Variants in KLHL24 observed in about 807,000 individuals in gnomAD.
KLHL24 encodes the protein kelch like family member 24, also known as kelch-like protein 24.
KLHL24 carries 29 observed loss-of-function variants against 53.4 expected under a neutral mutation model. That is an observed-to-expected ratio of 0.54 (90% CI 0.40 to 0.74). The LOEUF (loss-of-function observed/expected upper bound fraction) is 0.74, where lower values mean the gene tolerates loss of function less well. Among genes scored for constraint, KLHL24 ranks in the 30% least tolerant of loss-of-function variants. The probability of loss-of-function intolerance (pLI) is 0.00; values close to 1 mark genes in which losing one functional copy is unlikely to be tolerated. For missense variants in KLHL24, 504 were observed against 744.0 expected (o/e 0.68, Z 3.75); for synonymous variants, 222 against 253.7 (o/e 0.88, Z 1.19).
chr3:183,651,325 T>C, intron 3 of KLHL24, 49 bp downstream of exon 3: 1 of 1,346,316 alleles, frequency 7.4e-7, no homozygotes, highest in Middle Eastern at 1.9e-4. Flanking sequence ...TTAATATATC[T>C]TTAAACCTCC....
chr3:183,682,142 T>A lies in KLHL24; in HGVS notation c.*2856T>A, dbSNP rs1712746812. On this transcript the variant is annotated 3_prime_UTR_variant, in exon 8 of 8. Coordinates refer to ENST00000242810, the MANE Select transcript of KLHL24 (RefSeq NM_017644.3). ...TATAATCAGAATCTTTATGACAATTTAGTTTTACAAGGTCAGAAGAGATGA... is the reference window on the plus strand; with the variant it reads ...TATAATCAGAATCTTTATGACAATTAAGTTTTACAAGGTCAGAAGAGATGA... The A allele has an allele frequency of 6.6e-6, 1 of 152,172 alleles. No homozygotes were observed. The highest frequency in any genetic ancestry group is 6.5e-5 in the Admixed American group (1 of 15,278). 9.4% of individuals were successfully genotyped at this position (152,172 alleles called of 1,614,324 possible). A position where few individuals can be genotyped will look rare whatever the true frequency, so the allele number is the denominator to read the frequency against.
chr3:183,679,100 G>T lies in KLHL24; in HGVS notation c.1617G>T (p.Met539Ile). 6.2e-7 allele frequency: 1 copy of T among 1,613,032 alleles called. No homozygotes were observed. The highest frequency in any genetic ancestry group is 8.5e-7 in the Non-Finnish European group (1 of 1,179,014). ...NTFSRQENCGMSVCNGKIYIL... is the reference protein window; with the variant it reads ...NTFSRQENCGISVCNGKIYIL... ...TGGTTAAACAGGAAAACTGTGGTAT[G>T]TCTGTGTGTAATGGTAAAATATATA... The change falls in exon 8 of 8, where the codon ATG becomes ATT. Residue 539 changes from methionine to isoleucine, a missense_variant. Met to Ile is a conservative substitution (Grantham distance 10). Coordinates refer to ENST00000242810, the MANE Select transcript of KLHL24 (RefSeq NM_017644.3).
In KLHL24 at chr3:183,650,999, T is replaced by C; in HGVS notation, c.643T>C (p.Tyr215His). 2 of 1,614,216 alleles carry C rather than the reference T, an allele frequency of 1.2e-6. No individual in the cohort carries two copies. Among genetic ancestry groups the C allele is most frequent in the Non-Finnish European group, 1.7e-6 (2 of 1,180,026 alleles). ...LELDKDELID[Y>H]ICSDELVIGK... is the part of the protein sequence containing the mutation. ...GCTTGACAAAGATGAACTTATTGAT[T>C]ATATTTGTAGTGATGAACTTGTTAT... Residue 215 changes from tyrosine (Y) to histidine (H), a missense_variant, in exon 3 of 8, where the codon TAT becomes CAT. Coordinates refer to ENST00000242810, the MANE Select transcript of KLHL24 (RefSeq NM_017644.3). The surrounding 1 kb of genome is among the most constrained non-coding windows in gnomAD (Gnocchi z 4.5).
rs769027444 is a variant in KLHL24, at chr3:183,650,397, T to C, written c.41T>C (p.Leu14Pro). ...GGACGCAGACTAAACAGAGAGGATC[T>C]TGGGGTGCGTGATTCCCCAGCAACT... is the stretch of plus-strand genomic sequence containing the variant. The part of the protein sequence containing the change: ...ILGRRLNRED[L>P]GVRDSPATKR... Residue 14 changes from leucine to proline, a missense_variant, in exon 3 of 8, where the codon CTT (leucine) becomes CCT (proline). Coordinates refer to ENST00000242810, the MANE Select transcript of KLHL24 (RefSeq NM_017644.3). The surrounding 1 kb of genome is among the most constrained non-coding windows in gnomAD (Gnocchi z 4.5). 6.2e-7 allele frequency: 1 copy of C among 1,614,066 alleles called. No individual in the cohort carries two copies. The highest frequency in any genetic ancestry group is 1.3e-5 in the African/African-American group (1 of 74,936).
In KLHL24 at chr3:183,651,124, A is replaced by G. The variant is rs774101823; in HGVS notation, c.768A>G (p.Arg256=). Residue 256 remains arginine, a synonymous_variant, in exon 3 of 8, where the codon AGA becomes AGG. Transcript: ENST00000242810. ...PLLHELLTHV[R]LPLLHPNYFV... The stretch of plus-strand genomic sequence containing the variant: ...TACACGAGCTCCTGACACATGTGAG[A>G]CTCCCTCTGTTGCATCCCAACTACT... The G allele has an allele frequency of 1.1e-5, 17 of 1,613,880 alleles. No individual in the cohort carries two copies. Among genetic ancestry groups the G allele is most frequent in the Admixed American group, 3.3e-5 (2 of 59,962 alleles).
chr3:183,682,244 T>G lies in KLHL24; in HGVS notation c.*2958T>G, dbSNP rs545405663. 3.3e-5 allele frequency: 5 copies of G among 151,314 alleles called. No homozygotes were observed. Among genetic ancestry groups the G allele is most frequent in the Admixed American group, 1.3e-4 (2 of 15,178 alleles). The allele number at this position is 151,314 out of a possible 1,614,324, so 9.4% of individuals were successfully genotyped here. ...TGCTTTGTAGAACAGAAAAGTATAG[T>G]TTTTTTTTCATGAACTTTAATCATT... On this transcript the variant is annotated 3_prime_UTR_variant, in exon 8 of 8. Coordinates refer to ENST00000242810, the MANE Select transcript of KLHL24 (RefSeq NM_017644.3).
chr3:183,663,661 C>T lies in KLHL24; in HGVS notation c.1105+19C>T, dbSNP rs767006551. ...GTTTCAGGTAAATATAGAATTATTA[C>T]AGTAGCTACTTTTAATTTGGACACA... is the stretch of plus-strand genomic sequence containing the variant. On this transcript the variant is annotated intron_variant, in intron 4 of 7. Coordinates refer to ENST00000242810, the MANE Select transcript of KLHL24 (RefSeq NM_017644.3). The surrounding 1 kb of genome is among the most constrained non-coding windows in gnomAD (Gnocchi z 4.9). The T allele has an allele frequency of 6.3e-6, 9 of 1,424,268 alleles. No individual in the cohort carries two copies. Among genetic ancestry groups the T allele is most frequent in the East Asian group, 2.4e-5 (1 of 40,884 alleles). The allele number at this position is 1,424,268 out of a possible 1,614,324, so 88.2% of individuals were successfully genotyped here.
intron 5 of KLHL24, among the ~76,000 whole-genome samples, chr3:183,667,443 C>T (rs1720730343): frequency 6.6e-6 from 1 of 152,176 alleles, no homozygotes; most frequent in African/African-American, 2.4e-5. Flanking sequence ...TTTACCGCCT[C>T]AACTCCACCT....
At chr3:183,636,563 T>A (rs558295560) in intron 1 of KLHL24, 8 of 152,328 alleles carry the variant, frequency 5.3e-5, no homozygotes, top group African/African-American at 1.9e-4. Flanking sequence ...CTTAATTTAG[T>A]TCCTAATGGA....
chr3:183,649,312 G>A (rs1447221537), intron 2 of KLHL24, among the ~76,000 whole-genome samples: 1 of 152,024 alleles, frequency 6.6e-6, no homozygotes, highest in Non-Finnish European at 1.5e-5. Context: ...CTTACTGTGT[G>A]GTTACTACTT....
At chr3:183,657,724 T>C (rs559421331) in intron 3 of KLHL24, among the ~76,000 whole-genome samples, 19 of 152,346 alleles carry the variant, frequency 1.2e-4, no homozygotes, top group Admixed American at 1.2e-3. Flanking sequence ...TCCTATATTA[T>C]AGGATGAGTA....
Position 183,663,647 on chromosome 3 carries a change from A to G in KLHL24, c.1105+5A>G. ...GGAATGACATTCTTGTTTCAGGTAA[A>G]TATAGAATTATTACAGTAGCTACTT... On this transcript the variant is annotated splice_donor_5th_base_variant and intron_variant, in intron 4 of 7. Transcript: ENST00000242810. This position sits in a 1 kb window ranked among gnomAD's most constrained non-coding sequence, Gnocchi z 4.9. The G allele has an allele frequency of 6.7e-7, 1 of 1,498,278 alleles. No homozygotes were observed. The highest frequency in any genetic ancestry group is 2.4e-5 in the East Asian group (1 of 41,844). The allele number at this position is 1,498,278 out of a possible 1,614,324, so 92.8% of individuals were successfully genotyped here. A position where few individuals can be genotyped will look rare whatever the true frequency, so the allele number is the denominator to read the frequency against.
At chr3:183,636,568 A>G (rs1715247112) in intron 1 of KLHL24, 1 of 152,188 alleles carries the variant, frequency 6.6e-6, no homozygotes, top group Non-Finnish European at 1.5e-5. Context: ...TTTAGTTCCT[A>G]ATGGACCCGC....
In KLHL24 at chr3:183,663,175, G is replaced by T. The variant is rs1720043791; in HGVS notation, c.921-283G>T. On this transcript the variant is annotated intron_variant, in intron 3 of 7. Coordinates refer to ENST00000242810, the MANE Select transcript of KLHL24 (RefSeq NM_017644.3). The surrounding 1 kb of genome is among the most constrained non-coding windows in gnomAD (Gnocchi z 4.9). The stretch of plus-strand genomic sequence containing the variant: ...CTTAATATTGCCAGGATTCTGATTG[G>T]GTTAGATAGGATCTTTGGACTTTTT... 1.3e-5 allele frequency among the ~76,000 whole-genome samples: 2 copies of T among 151,964 alleles called. No individual in the cohort carries two copies. The highest frequency in any genetic ancestry group is 4.2e-4 in the South Asian group (2 of 4,818).
Position 183,683,906 on chromosome 3 carries a change from G to T in KLHL24, c.*4620G>T, listed in dbSNP as rs1260785976. 1 of 152,598 alleles carries T rather than the reference G, an allele frequency of 6.6e-6. No individual in the cohort carries two copies. Among genetic ancestry groups the T allele is most frequent in the African/African-American group, 2.4e-5 (1 of 41,440 alleles). The allele number at this position is 152,598 out of a possible 1,614,324, so 9.5% of individuals were successfully genotyped here. A position where few individuals can be genotyped will look rare whatever the true frequency, so the allele number is the denominator to read the frequency against. On this transcript the variant is annotated 3_prime_UTR_variant, in exon 8 of 8. Coordinates refer to ENST00000242810, the MANE Select transcript of KLHL24 (RefSeq NM_017644.3). ...GTGTAATAAGCACCAACGTGTGGTT[G>T]CTTGGCAGAATGAGAATGTTAAGGG...
rs187621884 is a variant in KLHL24 at position 183,677,948 on chromosome 3, C to G, written c.1603-1138C>G. On this transcript the variant is annotated intron_variant, in intron 7 of 7. Coordinates refer to ENST00000242810, the MANE Select transcript of KLHL24 (RefSeq NM_017644.3). Reference sequence around the variant, plus strand: ...TAGGGATTACAAGCACCCCCCACCACGTCCAGCTAATTTTTTGTATTTTTA... The same window carrying G: ...TAGGGATTACAAGCACCCCCCACCAGGTCCAGCTAATTTTTTGTATTTTTA... 1.7e-3 allele frequency among the ~76,000 whole-genome samples: 261 copies of G among 152,160 alleles called. 1 individual carries two copies. Among genetic ancestry groups the G allele is most frequent in the African/African-American group, 6.1e-3 (253 of 41,506 alleles).
rs1333495078 is a variant in KLHL24, at chr3:183,679,478, A to AT, written c.*192_*193insT. 3 of 554,618 alleles carry AT rather than the reference A, an allele frequency of 5.4e-6. No individual in the cohort carries two copies. Among genetic ancestry groups the AT allele is most frequent in the Non-Finnish European group, 9.5e-6 (3 of 316,940 alleles). 34.4% of individuals were successfully genotyped at this position (554,618 alleles called of 1,614,324 possible). ...GCCTTTCCTATAATTGAAAAAAAAA[A>AT]CTTTTTTGTTAAAGGTAATGGTGGT... is the stretch of plus-strand genomic sequence containing the variant. On this transcript the variant is annotated 3_prime_UTR_variant, in exon 8 of 8. Coordinates refer to ENST00000242810, the MANE Select transcript of KLHL24 (RefSeq NM_017644.3).
At position 183,684,497 on chromosome 3, in the gene KLHL24, T is replaced by C. The variant is rs538139720; in HGVS notation, c.*5211T>C. 2.9e-4 allele frequency: 45 copies of C among 152,774 alleles called. No homozygotes were observed. The highest frequency in any genetic ancestry group is 1.1e-3 in the African/African-American group (44 of 41,570). The allele number at this position is 152,774 out of a possible 1,614,324, so 9.5% of individuals were successfully genotyped here. A position where few individuals can be genotyped will look rare whatever the true frequency, so the allele number is the denominator to read the frequency against. ...CCATTATTACTTGACTATATGGTTG[T>C]ATTAAATTTTGTTTACGAAAAATTT... On this transcript the variant is annotated 3_prime_UTR_variant, in exon 8 of 8. Coordinates refer to ENST00000242810, the MANE Select transcript of KLHL24 (RefSeq NM_017644.3).
At chr3:183,647,191 C>T (rs1380284004) in intron 2 of KLHL24, among the ~76,000 whole-genome samples, 1 of 151,274 alleles carries the variant, frequency 6.6e-6, no homozygotes, top group South Asian at 2.1e-4. Flanking sequence ...GAGGACAAGG[C>T]GGGTGGATCA....
Sources: gnomAD v4.1 joint callset for allele counts (sites outside exome capture counted in the v4.1 genomes callset) on GRCh38, gnomAD v4.1.1 for gene constraint, Gnocchi (gnomAD v3.1) non-coding constraint, MANE v1.5 for transcripts, NCBI Gene and HGNC (gene_info 2026-07-23, HGNC 2026-07-21) for gene names.